MLLT3: variants seen among roughly 807,000 people sequenced by gnomAD.
The protein encoded by MLLT3 is MLLT3 super elongation complex subunit.
A neutral mutation model predicts 53.2 loss-of-function variants in MLLT3; 4 were observed. The ratio of observed to expected loss-of-function variants is 0.08; its 90% confidence interval spans 0.04 to 0.17. The LOEUF (loss-of-function observed/expected upper bound fraction) is 0.17. Ranked by LOEUF, MLLT3 falls within the 10% of genes least tolerant of loss-of-function variation. The pLI is 1.00. For missense variants in MLLT3, 569 were observed against 684.0 expected, an observed-to-expected ratio of 0.83 and a Z score of 1.87; for synonymous variants, 283 against 230.6, an observed-to-expected ratio of 1.23 and a Z score of -2.06.
intron 2 of MLLT3, among the ~76,000 whole-genome samples, chr9:20,619,930 G>C (rs1231122317): frequency 1.3e-5 from 2 of 152,114 alleles, no homozygotes; most frequent in Admixed American, 6.5e-5. Flanking sequence ...TTCGACCTTT[G>C]CAAGAACAGT....
At position 20,622,014 on chromosome 9, in the gene MLLT3, C is replaced by T. The variant is rs114367539; in HGVS notation, c.12+231G>A. ...GAGGGAGGCGCGGGGGGTGGAGGGGCGAGTGTGAGCGTGTGTGAGTGTGTG... is the reference window on the plus strand; with the variant it reads ...GAGGGAGGCGCGGGGGGTGGAGGGGTGAGTGTGAGCGTGTGTGAGTGTGTG... On this transcript the variant is annotated intron_variant, in intron 1 of 10. Transcript: ENST00000380338. 2,149 of 1,245,684 alleles carry T rather than the reference C, an allele frequency of 1.7e-3. 33 individuals are homozygous for T. The African/African-American group carries it at 0.035, about 20-fold the overall frequency. The allele number at this position is 1,245,684 out of a possible 1,614,324, so 77.2% of individuals were successfully genotyped here.
intron 2 of MLLT3, among the ~76,000 whole-genome samples, chr9:20,472,646 C>A (rs1017803950): frequency 6.6e-6 from 1 of 151,888 alleles, no homozygotes; most frequent in African/African-American, 2.4e-5. Flanking sequence ...ATATATAAGC[C>A]CCTGCATGTT....
At chr9:20,435,823 G>C (rs1376072852) in intron 4 of MLLT3, among the ~76,000 whole-genome samples, 2 of 152,060 alleles carry the variant, frequency 1.3e-5, no homozygotes, top group South Asian at 2.1e-4. Context: ...GACTTGAAAA[G>C]CATCTTGGAT....
chr9:20,385,188 A>G (rs1822004363), intron 5 of MLLT3, among the ~76,000 whole-genome samples: 1 of 152,148 alleles, frequency 6.6e-6, no homozygotes, highest in African/African-American at 2.4e-5. Context: ...AAATATCGGT[A>G]AGAACTCCTA....
At chr9:20,415,451 C>T (rs902588724) in intron 4 of MLLT3, 9 of 970,864 alleles carry the variant, frequency 9.3e-6, no homozygotes, top group Non-Finnish European at 8.6e-6. Context: ...TTGTGAACCT[C>T]TACCATTAAT....
chr9:20,574,473 T>C (rs537960503), intron 2 of MLLT3, among the ~76,000 whole-genome samples: 3 of 152,348 alleles, frequency 2.0e-5, no homozygotes, highest in South Asian at 4.1e-4. Context: ...ACACAATTTT[T>C]TGGGTTTCTG....
intron 2 of MLLT3, among the ~76,000 whole-genome samples, chr9:20,557,855 A>G (rs1320754819): frequency 6.6e-6 from 1 of 152,210 alleles, no homozygotes; most frequent in Non-Finnish European, 1.5e-5. Context: ...TGCTGGGAGA[A>G]GGTCACACTT....
chr9:20,378,477 G>A (rs1445719492), intron 5 of MLLT3, among the ~76,000 whole-genome samples: 2 of 151,818 alleles, frequency 1.3e-5, no homozygotes, highest in East Asian at 1.9e-4. Flanking sequence ...TATTTATACT[G>A]TACACAGAGT....
chr9:20,495,002 A>G (rs1825048037), intron 2 of MLLT3, among the ~76,000 whole-genome samples: 1 of 152,108 alleles, frequency 6.6e-6, no homozygotes, highest in Admixed American at 6.6e-5. Flanking sequence ...CACTTTCATA[A>G]ATTAAAAAAT....
chr9:20,515,690 A>T (rs1035599940), intron 2 of MLLT3, among the ~76,000 whole-genome samples: 6 of 152,086 alleles, frequency 3.9e-5, no homozygotes, highest in Non-Finnish European at 5.9e-5. Flanking sequence ...TTGGATGTTT[A>T]TCTGACGAGC....
chr9:20,486,290 G>C (rs1271528700), intron 2 of MLLT3, among the ~76,000 whole-genome samples: 2 of 151,972 alleles, frequency 1.3e-5, no homozygotes, highest in South Asian at 2.1e-4. Context: ...AAATACAACA[G>C]AACAAAGGGC....
At chr9:20,591,526 G>C (rs1185044967) in intron 2 of MLLT3, among the ~76,000 whole-genome samples, 1 of 152,106 alleles carries the variant, frequency 6.6e-6, no homozygotes, top group African/African-American at 2.4e-5. Context: ...CTATAAAAAA[G>C]GAACTGATTA....
intron 5 of MLLT3, among the ~76,000 whole-genome samples, chr9:20,403,047 G>C (rs533130491): frequency 5.8e-4 from 88 of 151,914 alleles, no homozygotes; most frequent in African/African-American, 2.0e-3. Flanking sequence ...AAGGATGTGC[G>C]AATCACTGCA....
chr9:20,593,375 C>T (rs369171745), intron 2 of MLLT3, among the ~76,000 whole-genome samples: 3 of 152,010 alleles, frequency 2.0e-5, no homozygotes, highest in Non-Finnish European at 4.4e-5. Flanking sequence ...GGCAGAAACC[C>T]GTTGTTGGGC....
intron 2 of MLLT3, among the ~76,000 whole-genome samples, chr9:20,522,284 CA>C (rs11314967): frequency 0.69 from 88,687 of 127,648 alleles, 28,581 homozygotes; most frequent in East Asian, 0.83. Flanking sequence ...TGAAAGTGAC[CA>C]AAAAAAAAAA....
intron 5 of MLLT3, among the ~76,000 whole-genome samples, chr9:20,373,904 G>A (rs762669114): frequency 1.8e-4 from 27 of 150,774 alleles, no homozygotes; most frequent in Non-Finnish European, 3.5e-4. Flanking sequence ...CCTGACTGAA[G>A]TATTAGGTTC....
At chr9:20,431,775 T>C (rs1823277193) in intron 4 of MLLT3, among the ~76,000 whole-genome samples, 1 of 152,172 alleles carries the variant, frequency 6.6e-6, no homozygotes, top group Non-Finnish European at 1.5e-5. Flanking sequence ...CAACTCATGA[T>C]ATAATCACTC....
At chr9:20,379,882 T>C (rs1484835662) in intron 5 of MLLT3, among the ~76,000 whole-genome samples, 1 of 151,978 alleles carries the variant, frequency 6.6e-6, no homozygotes, top group Non-Finnish European at 1.5e-5. Flanking sequence ...CAGTTAACCA[T>C]AAACTTAAAA....
chr9:20,514,548 A>C (rs1817855193), intron 2 of MLLT3, among the ~76,000 whole-genome samples: 1 of 152,090 alleles, frequency 6.6e-6, no homozygotes, highest in South Asian at 2.1e-4. Context: ...TTTAAGCTCA[A>C]ATAGGTCCCC....
Sources: gnomAD v4.1 joint callset for allele counts (sites outside exome capture counted in the v4.1 genomes callset) on GRCh38, gnomAD v4.1.1 for gene constraint, MANE v1.5 for transcripts, NCBI Gene and HGNC (gene_info 2026-07-23, HGNC 2026-07-21) for gene names.